KLRD1: variants seen among roughly 807,000 people sequenced by gnomAD.
KLRD1 encodes the protein killer cell lectin like receptor D1.
Under a neutral mutation model 22.6 loss-of-function variants are expected in KLRD1, and 21 were observed. That is an observed-to-expected ratio of 0.93 (90% CI 0.66 to 1.34). The LOEUF (loss-of-function observed/expected upper bound fraction) is 1.34. Among genes scored for constraint, KLRD1 ranks in the 40% most tolerant of loss-of-function variants. KLRD1 has a pLI of 0.00. For synonymous variants in KLRD1, 59 were observed against 71.1 expected (o/e 0.83, Z 0.85); for missense variants, 183 against 208.6 (o/e 0.88, Z 0.76).
At chr12:10,244,687 G>A (rs1949274173) in intron 1 of KLRD1, among the ~76,000 whole-genome samples, 1 of 152,072 alleles carries the variant, frequency 6.6e-6, no homozygotes, top group Admixed American at 6.6e-5. Flanking sequence ...GGAGCCTGAG[G>A]CAGGAGAATC....
intron 1 of KLRD1, among the ~76,000 whole-genome samples, chr12:10,265,743 T>G (rs1949493274): frequency 6.6e-6 from 1 of 152,226 alleles, no homozygotes; most frequent in South Asian, 2.1e-4. Flanking sequence ...GGTGACAGAG[T>G]GAGAATCCCT....
chr12:10,286,441 G>A (rs117286980), intron 1 of KLRD1, among the ~76,000 whole-genome samples: 2 of 152,020 alleles, frequency 1.3e-5, no homozygotes, highest in Middle Eastern at 3.4e-3. Flanking sequence ...TGCATTTTAC[G>A]TTTTACACAT....
chr12:10,291,937 C>T (rs935068692), intron 1 of KLRD1, among the ~76,000 whole-genome samples: 3 of 152,102 alleles, frequency 2.0e-5, no homozygotes, highest in Admixed American at 6.5e-5. Flanking sequence ...ATGATGGCTT[C>T]CAGCTTCATC....
At position 10,258,223 on chromosome 12, in the gene KLRD1, A is replaced by G. The variant is rs1017996686; in HGVS notation, c.-101+31990A>G. On this transcript the variant is annotated intron_variant, in intron 1 of 5. Transcript: ENST00000544747. Reference sequence around the variant, plus strand: ...GAATTTCTTTTCTGTAGTACAATTTATACTGTGTTCAGTTGTGCTTAGCTC... The same window carrying G: ...GAATTTCTTTTCTGTAGTACAATTTGTACTGTGTTCAGTTGTGCTTAGCTC... Among the ~76,000 whole-genome samples the G allele has an allele frequency of 2.7e-5, 4 of 145,846 alleles. No individual in the cohort carries two copies. In the Admixed American group the frequency reaches 2.9e-4, roughly 10 times the overall value.
In KLRD1 at chr12:10,314,674, T is replaced by G. The variant is rs1030859054; in HGVS notation, c.421T>G (p.Phe141Val). Reference protein sequence around the residue: ...ENGSALSQYLFPSFETFNTKN... With the variant: ...ENGSALSQYLVPSFETFNTKN... The stretch of plus-strand genomic sequence containing the variant: ...TGAACATTTTCTTCTTCATTACAGA[T>G]TTCCATCATTTGAAACTTTTAATAC... Residue 141 changes from phenylalanine (F) to valine (V), a missense_variant and splice_region_variant, in exon 6 of 6, where the codon TTT becomes GTT. Coordinates refer to ENST00000336164, the MANE Select transcript of KLRD1 (RefSeq NM_002262.5). 1 of 1,560,814 alleles carries G rather than the reference T, an allele frequency of 6.4e-7. No homozygotes were observed. Among genetic ancestry groups the G allele is most frequent in the African/African-American group, 1.4e-5 (1 of 72,278 alleles).
chr12:10,312,465 T>G (rs61917600), intron 4 of KLRD1, among the ~76,000 whole-genome samples: 142,575 of 151,454 alleles, frequency 0.94, 67,737 homozygotes, highest in East Asian at 1. Context: ...TGCAAGCTCC[T>G]CCTCCCGGGT....
rs1442676541 is a variant in KLRD1, at chr12:10,316,364, C to G, written c.*1571C>G. ...TAATCCTAAAAATATGTTACAACTG[C>G]TACTTCATAGTTTATGCCACTTATT... On this transcript the variant is annotated 3_prime_UTR_variant, in exon 6 of 6. Coordinates refer to ENST00000336164, the MANE Select transcript of KLRD1 (RefSeq NM_002262.5). 6.6e-6 allele frequency: 1 copy of G among 152,014 alleles called. No homozygotes were observed. The highest frequency in any genetic ancestry group is 1.5e-5 in the Non-Finnish European group (1 of 68,000). 9.4% of individuals were successfully genotyped at this position (152,014 alleles called of 1,614,324 possible).
intron 1 of KLRD1, among the ~76,000 whole-genome samples, chr12:10,285,104 T>C (rs554576623): frequency 1.7e-4 from 26 of 152,204 alleles, no homozygotes; most frequent in Non-Finnish European, 3.1e-4. Flanking sequence ...TCCTGTGAGA[T>C]TTCTCTTCAT....
rs944190519 is a variant in KLRD1 at position 10,324,816 on chromosome 12, GTGTATATATA to G, written c.*10025_*10034del. ...TAAGTATATATGTATATGTGTGTGT[GTGTATATATA>G]TATATATATATATATATTCATTTAC... On this transcript the variant is annotated 3_prime_UTR_variant, in exon 6 of 6. Coordinates refer to ENST00000336164, the MANE Select transcript of KLRD1 (RefSeq NM_002262.5). The G allele has an allele frequency of 2.4e-4, 4 of 16,600 alleles. No individual in the cohort carries two copies. Among genetic ancestry groups the G allele is most frequent in the African/African-American group, 3.4e-4 (4 of 11,934 alleles). 1.0% of individuals were successfully genotyped at this position (16,600 alleles called of 1,614,324 possible). A position where few individuals can be genotyped will look rare whatever the true frequency, so the allele number is the denominator to read the frequency against.
chr12:10,320,270 A>AG lies in KLRD1; in HGVS notation c.*5477_*5478insG, dbSNP rs894385038. 6.6e-6 allele frequency: 1 copy of AG among 151,824 alleles called. No homozygotes were observed. The highest frequency in any genetic ancestry group is 2.4e-5 in the African/African-American group (1 of 41,382). The allele number at this position is 151,824 out of a possible 1,614,324, so 9.4% of individuals were successfully genotyped here. A position where few individuals can be genotyped will look rare whatever the true frequency, so the allele number is the denominator to read the frequency against. On this transcript the variant is annotated 3_prime_UTR_variant, in exon 6 of 6. Transcript: ENST00000336164. ...TGAAGTTACTATTATAAAGAAAAAA[A>AG]AAAACCACTAAAATTTTGGAGTGCT...
chr12:10,312,484 T>G (rs1160421316), intron 4 of KLRD1, among the ~76,000 whole-genome samples: 3 of 151,688 alleles, frequency 2.0e-5, no homozygotes, highest in Non-Finnish European at 4.4e-5. Context: ...GTTCACGCCA[T>G]TCTCCTGCCT....
chr12:10,256,251 TG>T (rs1949394100), intron 1 of KLRD1, among the ~76,000 whole-genome samples: 2 of 152,104 alleles, frequency 1.3e-5, no homozygotes, highest in Middle Eastern at 3.4e-3. Context: ...ATCCTGTTTT[TG>T]CTATCAATTC....
intron 1 of KLRD1, among the ~76,000 whole-genome samples, chr12:10,291,623 T>C (rs1444721897): frequency 6.6e-6 from 1 of 151,870 alleles, no homozygotes; most frequent in Non-Finnish European, 1.5e-5. Context: ...ATCTTTTTTT[T>C]TTTTTTTTAA....
upstream of KLRD1, among the ~76,000 whole-genome samples, chr12:10,304,089 G>C (rs1302108288): frequency 3.9e-5 from 6 of 152,168 alleles, no homozygotes; most frequent in Non-Finnish European, 8.8e-5. Context: ...AGTATCACAA[G>C]CATCCTCAGA....
At chr12:10,247,347 AG>A (rs769112574) in intron 1 of KLRD1, among the ~76,000 whole-genome samples, 2 of 152,034 alleles carry the variant, frequency 1.3e-5, no homozygotes, top group Non-Finnish European at 2.9e-5. Context: ...TGATTTAGTT[AG>A]TTGGTTAACA....
At chr12:10,283,840 C>T (rs1284066958) in intron 1 of KLRD1, among the ~76,000 whole-genome samples, 1 of 151,978 alleles carries the variant, frequency 6.6e-6, no homozygotes. Flanking sequence ...ATGCATAGAA[C>T]CATTATATTT....
chr12:10,257,495 T>C (rs1242787395), intron 1 of KLRD1, among the ~76,000 whole-genome samples: 1 of 150,164 alleles, frequency 6.7e-6, no homozygotes, highest in Non-Finnish European at 1.5e-5. Flanking sequence ...TTTTTTTTTT[T>C]TTTTTTTTGT....
At chr12:10,259,995 T>C (rs1214256825) in intron 1 of KLRD1, among the ~76,000 whole-genome samples, 1 of 152,086 alleles carries the variant, frequency 6.6e-6, no homozygotes, top group African/African-American at 2.4e-5. Context: ...AAAAAAGATA[T>C]TCTTCTAGTG....
intron 1 of KLRD1, among the ~76,000 whole-genome samples, chr12:10,263,382 T>A (rs1949471398): frequency 6.6e-6 from 1 of 152,070 alleles, no homozygotes; most frequent in South Asian, 2.1e-4. Flanking sequence ...ACTACCTTCA[T>A]ATATGAAATC....
Sources: allele counts gnomAD v4.1 joint callset (sites outside exome capture counted in the v4.1 genomes callset), GRCh38; gene constraint gnomAD v4.1.1; transcripts MANE v1.5; gene names NCBI Gene and HGNC (gene_info 2026-07-23, HGNC 2026-07-21).